The following TMEM245 variants were observed in gnomAD, a reference collection of about 807,000 sequenced individuals.
TMEM245 encodes the protein protein CG-2.
A neutral mutation model predicts 101.2 loss-of-function variants in TMEM245; 69 were observed. The ratio of observed to expected loss-of-function variants is 0.68; its 90% confidence interval spans 0.56 to 0.83. The LOEUF (loss-of-function observed/expected upper bound fraction) is 0.83, where lower values mean the gene tolerates loss of function less well. TMEM245 is among the 40% of genes least tolerant of loss of function. The pLI is 0.00. For missense variants in TMEM245, 1,075 were observed against 1,092.8 expected (o/e 0.98, Z 0.23); for synonymous variants, 537 against 449.8 (o/e 1.19, Z -2.45).
intron 13 of TMEM245, 21 bp from the exon 14 acceptor site, chr9:109,050,449 TCTC>T (rs1288957695): frequency 2.5e-6 from 4 of 1,612,032 alleles, no homozygotes; most frequent in East Asian, 4.5e-5. Flanking sequence ...AAGGACAACA[TCTC>T]CTAAAAAAAT....
intron 5 of TMEM245, among the ~76,000 whole-genome samples, chr9:109,088,839 T>G (rs1257399748): frequency 3.7e-5 from 5 of 134,272 alleles, no homozygotes; most frequent in Non-Finnish European, 6.3e-5. Context: ...AAAAAAAAAG[T>G]ATGGAACAAT....
chr9:109,090,199 T>A (rs1012540788), intron 5 of TMEM245, among the ~76,000 whole-genome samples: 4 of 152,036 alleles, frequency 2.6e-5, no homozygotes, highest in African/African-American at 9.7e-5. Context: ...GGGCAAAGGC[T>A]GCAGTGAGCT....
chr9:109,096,219 G>A lies in TMEM245; in HGVS notation c.800-2628C>T, dbSNP rs929098993. On this transcript the variant is annotated intron_variant, in intron 3 of 17. Coordinates refer to ENST00000374586, the MANE Select transcript of TMEM245 (RefSeq NM_032012.4). ...AGGCTGGGTGCAGTGGCTCATGCCT[G>A]TAATCCCAGCACTCTGGGAGGCCAA... Among the ~76,000 whole-genome samples the A allele has an allele frequency of 2.0e-5, 3 of 152,208 alleles. No homozygotes were observed. The East Asian group carries it at 5.8e-4, about 29-fold the overall frequency.
Position 109,093,519 on chromosome 9 carries a change from CCT to C in TMEM245, c.870_871del (p.Gly291ValfsTer2), listed in dbSNP as rs1277045918. 1.2e-6 allele frequency: 2 copies of C among 1,614,024 alleles called. No individual in the cohort carries two copies. Among genetic ancestry groups the C allele is most frequent in the South Asian group, 2.2e-5 (2 of 91,064 alleles). ...CTGGTCTTCACTGCTTGATTCATAC[CCT>C]GTGATAGAGATGGCCAAGTTTGCCA... On this transcript the variant is annotated frameshift_variant, in exon 4 of 18. Coordinates refer to ENST00000374586, the MANE Select transcript of TMEM245 (RefSeq NM_032012.4). LOFTEE classifies it high-confidence loss of function.
rs1179606947 is a variant in TMEM245 at position 109,018,326 on chromosome 9, A to T, written c.*2134T>A. 1.3e-5 allele frequency: 2 copies of T among 152,226 alleles called. No individual in the cohort carries two copies. Among genetic ancestry groups the T allele is most frequent in the African/African-American group, 4.8e-5 (2 of 41,464 alleles). The allele number at this position is 152,226 out of a possible 1,614,324, so 9.4% of individuals were successfully genotyped here. On this transcript the variant is annotated 3_prime_UTR_variant, in exon 18 of 18. Coordinates refer to ENST00000374586, the MANE Select transcript of TMEM245 (RefSeq NM_032012.4). ...TATTACATATGATCTGGCTAAGAGC[A>T]AGAGGCCTTCTTATGAGTGATCTCC...
At chr9:109,075,474 G>C (rs1418501673) in intron 8 of TMEM245, among the ~76,000 whole-genome samples, 3 of 152,174 alleles carry the variant, frequency 2.0e-5, no homozygotes, top group African/African-American at 7.2e-5. Context: ...ACTCATCAGT[G>C]AGATCATCTG....
At chr9:109,064,159 G>A (rs1829095965) in intron 10 of TMEM245, among the ~76,000 whole-genome samples, 1 of 152,130 alleles carries the variant, frequency 6.6e-6, no homozygotes, top group Non-Finnish European at 1.5e-5. Context: ...CAGACAATAA[G>A]ATTTAATATG....
chr9:109,113,678 C>CT (rs529313976), intron 1 of TMEM245, among the ~76,000 whole-genome samples: 240 of 152,336 alleles, frequency 1.6e-3, no homozygotes, highest in Non-Finnish European at 2.6e-3. Flanking sequence ...AGTAGAGACT[C>CT]TGCCTTTTCA....
rs1564177568 is a variant in TMEM245 at position 109,046,362 on chromosome 9, C to A, written c.2123+3921G>T. On this transcript the variant is annotated intron_variant, in intron 14 of 17. Coordinates refer to ENST00000374586, the MANE Select transcript of TMEM245 (RefSeq NM_032012.4). ...TGTGATGTATACATTCAGGAGACAA[C>A]ATGCTGCTGAAGAGAGGAAAATGGT... 4 of 511,386 alleles carry A rather than the reference C, an allele frequency of 7.8e-6. No individual in the cohort carries two copies. The East Asian group carries it at 2.2e-4, about 29-fold the overall frequency. The allele number at this position is 511,386 out of a possible 1,614,324, so 31.7% of individuals were successfully genotyped here.
chr9:109,071,160 C>T (rs1829319387), intron 9 of TMEM245, among the ~76,000 whole-genome samples: 1 of 151,902 alleles, frequency 6.6e-6, no homozygotes, highest in Non-Finnish European at 1.5e-5. Context: ...GGATTACAGG[C>T]GTGAGCCACC....
intron 9 of TMEM245, among the ~76,000 whole-genome samples, chr9:109,065,518 T>C (rs889138093): frequency 1.3e-5 from 2 of 152,182 alleles, no homozygotes; most frequent in Admixed American, 1.3e-4. Flanking sequence ...CTTTTAAAGA[T>C]AGAATTCCTG....
chr9:109,088,815 CA>C (rs772216738), intron 5 of TMEM245, among the ~76,000 whole-genome samples: 3,905 of 67,432 alleles, frequency 0.058, 75 homozygotes, highest in African/African-American at 0.12. Context: ...GACTACATCT[CA>C]AAAAAAAAAA....
intron 8 of TMEM245, among the ~76,000 whole-genome samples, chr9:109,078,609 AC>A (rs1158582283): frequency 2.0e-5 from 3 of 152,220 alleles, no homozygotes; most frequent in African/African-American, 7.2e-5. Flanking sequence ...GAATTAAGTC[AC>A]TAACTGTATT....
intron 17 of TMEM245, among the ~76,000 whole-genome samples, chr9:109,030,881 C>T (rs1827925112): frequency 6.6e-6 from 1 of 152,120 alleles, no homozygotes; most frequent in Admixed American, 6.6e-5. Flanking sequence ...AAATATAACA[C>T]TAAAAACAAA....
In TMEM245 at chr9:109,032,365, C is replaced by CTTTTTTTTTTT. The variant is rs755399182; in HGVS notation, c.2594+931_2594+941dup. On this transcript the variant is annotated intron_variant, in intron 17 of 17. Transcript: ENST00000374586. ...GCATTTGGTTGTCCTATTTCTTTTC[C>CTTTTTTTTTTT]TTTTTTTTTTTTTTTTTTTTTTTTT... Among the ~76,000 whole-genome samples, 220 of 40,978 alleles carry CTTTTTTTTTTT rather than the reference C, an allele frequency of 5.4e-3. 83 individuals are homozygous for CTTTTTTTTTTT. Among genetic ancestry groups the CTTTTTTTTTTT allele is most frequent in the East Asian group, 8.5e-3 (12 of 1,412 alleles). 26.9% of individuals were successfully genotyped at this position (40,978 alleles called of 152,430 possible).
chr9:109,074,354 G>C (rs969934624), intron 8 of TMEM245, among the ~76,000 whole-genome samples: 2 of 152,148 alleles, frequency 1.3e-5, no homozygotes, highest in Non-Finnish European at 2.9e-5. Flanking sequence ...ATCAGGTAAA[G>C]AAACAAAACA....
At chr9:109,097,693 T>C (rs1054375278) in intron 3 of TMEM245, among the ~76,000 whole-genome samples, 2 of 152,066 alleles carry the variant, frequency 1.3e-5, no homozygotes, top group African/African-American at 2.4e-5. Flanking sequence ...CTAAGGCAGG[T>C]AGACCACCTG....
intron 15 of TMEM245, among the ~76,000 whole-genome samples, chr9:109,036,720 T>C (rs544924216): frequency 7.9e-4 from 121 of 152,292 alleles, no homozygotes; most frequent in Non-Finnish European, 1.6e-3. Flanking sequence ...GTGTCAAAAC[T>C]TGTACTGAGT....
rs1368629312 is a variant in TMEM245, at chr9:109,073,312, A to G, written c.1532+44T>C. On this transcript the variant is annotated intron_variant, in intron 9 of 17. Transcript: ENST00000374586. ...TCATTTCGTGCAAACAGATGCTGAAACTAGGCCATTCATCTCTCTTCTTTT... is the reference window on the plus strand; with the variant it reads ...TCATTTCGTGCAAACAGATGCTGAAGCTAGGCCATTCATCTCTCTTCTTTT... 2.8e-6 allele frequency: 4 copies of G among 1,433,542 alleles called. No individual in the cohort carries two copies. In the African/African-American group the frequency reaches 4.2e-5, roughly 15 times the overall value. The allele number at this position is 1,433,542 out of a possible 1,614,324, so 88.8% of individuals were successfully genotyped here.
Sources: allele counts gnomAD v4.1 joint callset (sites outside exome capture counted in the v4.1 genomes callset), GRCh38; gene constraint gnomAD v4.1.1; transcripts MANE v1.5; gene names NCBI Gene and HGNC (gene_info 2026-07-23, HGNC 2026-07-21).